The following FAM20C variants were observed in gnomAD, a reference collection of about 807,000 sequenced individuals.
The protein encoded by FAM20C is extracellular serine/threonine protein kinase FAM20C.
A neutral mutation model predicts 51.5 loss-of-function variants in FAM20C; 40 were observed. That is an observed-to-expected ratio of 0.78 (90% CI 0.60 to 1.01). The LOEUF (loss-of-function observed/expected upper bound fraction) is 1.01. FAM20C is among the 50% of genes least tolerant of loss of function. FAM20C has a pLI of 0.00. For missense variants in FAM20C, 861 were observed against 844.7 expected, an observed-to-expected ratio of 1.02 and a Z score of -0.24; for synonymous variants, 406 against 380.6, an observed-to-expected ratio of 1.07 and a Z score of -0.78.
chr7:259,420 C>G (rs374182013), intron 9 of FAM20C, among the ~76,000 whole-genome samples: 4 of 80,448 alleles, frequency 5.0e-5, no homozygotes, highest in African/African-American at 2.4e-4. Flanking sequence ...CTCGCGGTCT[C>G]TCTCGTCTCT....
intron 5 of FAM20C, among the ~76,000 whole-genome samples, chr7:251,979 C>G: frequency 6.6e-6 from 1 of 152,228 alleles, no homozygotes; most frequent in African/African-American, 2.4e-5. Context: ...AGCCGCGCTG[C>G]CCTGTCAGTC....
At chr7:211,853 G>A (rs561225489) in intron 3 of FAM20C, among the ~76,000 whole-genome samples, 3 of 152,326 alleles carry the variant, frequency 2.0e-5, no homozygotes, top group Admixed American at 6.5e-5. Flanking sequence ...CGTGGCGGGC[G>A]GAGGCAGGGA....
rs896987041 is a variant in FAM20C at position 251,271 on chromosome 7, C to T, written c.1072+2841C>T. 2.3e-5 allele frequency among the ~76,000 whole-genome samples: 3 copies of T among 130,302 alleles called. 1 individual carries two copies. The highest frequency in any genetic ancestry group is 5.3e-5 in the Non-Finnish European group (3 of 56,812). The allele number at this position is 130,302 out of a possible 152,430, so 85.5% of individuals were successfully genotyped here. ...GAGTGGCCGGGCACGGTGGCTCACA[C>T]GCCTGCAATCCCAGTACTGGGAGGA... is the stretch of plus-strand genomic sequence containing the variant. On this transcript the variant is annotated intron_variant, in intron 5 of 9. Transcript: ENST00000313766.
In FAM20C at chr7:250,768, C is replaced by T. The variant is rs569477530; in HGVS notation, c.1072+2338C>T. 1.4e-3 allele frequency among the ~76,000 whole-genome samples: 208 copies of T among 152,368 alleles called. 2 individuals carry two copies. The highest frequency in any genetic ancestry group is 6.8e-3 in the South Asian group (33 of 4,830). On this transcript the variant is annotated intron_variant, in intron 5 of 9. Transcript: ENST00000313766. ...CCTGGTGCCCACGGAGGCTGGGCTC[C>T]GCTCCAGTGATGCCTGGATGCCCGA...
intron 3 of FAM20C, among the ~76,000 whole-genome samples, chr7:220,367 T>A (rs938803699): frequency 1.3e-5 from 2 of 152,238 alleles, no homozygotes; most frequent in African/African-American, 4.8e-5. Flanking sequence ...CTGGGGATGC[T>A]GCTCACGCAG....
intron 3 of FAM20C, among the ~76,000 whole-genome samples, chr7:212,093 A>G (rs1786746917): frequency 6.6e-6 from 1 of 152,228 alleles, no homozygotes; most frequent in African/African-American, 2.4e-5. Flanking sequence ...CTTCTTCCGC[A>G]GAGGCTGTGG....
In FAM20C at chr7:193,581, G is replaced by T; in HGVS notation, c.382G>T (p.Ala128Ser). The T allele has an allele frequency of 1.3e-6, 2 of 1,497,318 alleles. No individual in the cohort carries two copies. Among genetic ancestry groups the T allele is most frequent in the Non-Finnish European group, 1.8e-6 (2 of 1,122,336 alleles). The allele number at this position is 1,497,318 out of a possible 1,614,324, so 92.8% of individuals were successfully genotyped here. A position where few individuals can be genotyped will look rare whatever the true frequency, so the allele number is the denominator to read the frequency against. The change falls in exon 1 of 10, where the codon GCC becomes TCC. Residue 128 changes from alanine to serine, a missense_variant. This residue lies in a region of FAM20C where 561 missense variants were observed against 499.8 expected (regional missense o/e 1.12). Transcript: ENST00000313766. ...CGCCTTGCGGGGGCGGGATCCCGGC[G>T]CCCTAAGACCCCACGACCCCGCGCA... ...ERALRGRDPGALRPHDPAHRP... is the reference protein window; with the variant it reads ...ERALRGRDPGSLRPHDPAHRP...
At chr7:256,192 GTGGCAGAGGGCGTCCTTACTCCAGTA>G in intron 6 of FAM20C, 163 bp downstream of exon 6, 1 of 884,122 alleles carries the variant, frequency 1.1e-6, no homozygotes, top group African/African-American at 1.7e-5. Flanking sequence ...TGATGAGACG[GTGGCAGAGGGCGTCCTTACTCCAGTA>G]TTTCCATGTG....
intron 5 of FAM20C, among the ~76,000 whole-genome samples, chr7:250,075 CA>C (rs1338887459): frequency 6.6e-6 from 1 of 152,196 alleles, no homozygotes; most frequent in Non-Finnish European, 1.5e-5. Flanking sequence ...TCTCCTGGCC[CA>C]TCTGTTTAAT....
intron 8 of FAM20C, among the ~76,000 whole-genome samples, chr7:258,306 G>A (rs879181497): frequency 0.021 from 788 of 37,064 alleles, 41 homozygotes; most frequent in Middle Eastern, 0.028. Context: ...GGAGATGGGT[G>A]GGATGGACCC....
intron 8 of FAM20C, 31 bp from the exon 9 acceptor site, chr7:258,615 G>A: frequency 1.3e-6 from 2 of 1,535,964 alleles, no homozygotes; most frequent in Non-Finnish European, 1.7e-6. Flanking sequence ...TTGTACAGGG[G>A]CCCTTGACAA....
chr7:216,662 TGAGAGACA>T (rs1786988036), intron 3 of FAM20C, among the ~76,000 whole-genome samples: 2 of 136,688 alleles, frequency 1.5e-5, no homozygotes, highest in Non-Finnish European at 3.2e-5. Context: ...AGTGTGTGTG[TGAGAGACA>T]GAGTGTGTGT....
intron 3 of FAM20C, among the ~76,000 whole-genome samples, chr7:231,251 G>A (rs1404390271): frequency 1.3e-5 from 2 of 152,188 alleles, no homozygotes; most frequent in East Asian, 3.8e-4. Flanking sequence ...GGAGGGCAGA[G>A]CAGGAGCAGC....
intron 9 of FAM20C, among the ~76,000 whole-genome samples, 194 bp downstream of exon 9, chr7:258,899 A>C (rs1258621918): frequency 6.6e-6 from 1 of 150,656 alleles, no homozygotes; most frequent in East Asian, 2.0e-4. Flanking sequence ...CCCGCCCACC[A>C]CCCCAGGCCC....
Position 193,320 on chromosome 7 carries a change from T to G in FAM20C, c.121T>G (p.Ser41Ala), listed in dbSNP as rs1201126242. Residue 41 changes from serine (S) to alanine (A), a missense_variant, in exon 1 of 10, where the codon TCG becomes GCG. By Grantham distance (99) the Ser-to-Ala change is moderately conservative. Transcript: ENST00000313766. ...PRLERRGARP[S>A]GEPGCSCAQP... The stretch of plus-strand genomic sequence containing the variant: ...GCTGGAGCGACGCGGCGCGCGGCCC[T>G]CGGGGGAGCCCGGCTGTTCGTGCGC... 1 of 1,389,378 alleles carries G rather than the reference T, an allele frequency of 7.2e-7. No individual in the cohort carries two copies. The highest frequency in any genetic ancestry group is 2.6e-5 in the Admixed American group (1 of 38,984). 86.1% of individuals were successfully genotyped at this position (1,389,378 alleles called of 1,614,324 possible).
At chr7:254,239 G>A (rs1788509567) in intron 5 of FAM20C, among the ~76,000 whole-genome samples, 1 of 152,180 alleles carries the variant, frequency 6.6e-6, no homozygotes, top group South Asian at 2.1e-4. Flanking sequence ...CCACCCTCCT[G>A]TTCACTCCGC....
At position 193,790 on chromosome 7, in the gene FAM20C, G is replaced by A. The variant is rs1450186937; in HGVS notation, c.591G>A (p.Ala197=). Residue 197 remains alanine, a synonymous_variant, in exon 1 of 10, where the codon GCG becomes GCA. Coordinates refer to ENST00000313766, the MANE Select transcript of FAM20C (RefSeq NM_020223.4). Reference sequence around the variant, plus strand: ...ACACCAGGCTCAGCCCCAAAGCGGCGGAGAACCCGGACTGGTGAGTGGGGG... The same window carrying A: ...ACACCAGGCTCAGCCCCAAAGCGGCAGAGAACCCGGACTGGTGAGTGGGGG... ...NSDTRLSPKA[A]ENPDWPHAGA... 1 of 1,555,184 alleles carries A rather than the reference G, an allele frequency of 6.4e-7. No individual in the cohort carries two copies. The highest frequency in any genetic ancestry group is 8.7e-7 in the Non-Finnish European group (1 of 1,149,846).
chr7:195,645 A>G lies in FAM20C; in HGVS notation c.697A>G (p.Ile233Val), dbSNP rs1014953797. The change falls in exon 2 of 10, where the codon ATC becomes GTC. Residue 233 changes from isoleucine (I) to valine (V), a missense_variant. Around this residue, in one of 3 missense-constraint regions of FAM20C, gnomAD observed 561 missense variants for 499.8 expected, o/e 1.12. Transcript: ENST00000313766. ...CAACTGGCTCAAGTTCCACATTGGT[A>G]TCAACCGGTACGAGCTGTACTCCAG... is the stretch of plus-strand genomic sequence containing the variant. The part of the protein sequence containing the change: ...YPNWLKFHIG[I>V]NRYELYSRHN... 2.5e-6 allele frequency: 4 copies of G among 1,611,310 alleles called. No individual in the cohort carries two copies. The highest frequency in any genetic ancestry group is 3.4e-6 in the Non-Finnish European group (4 of 1,178,948).
At chr7:205,253 C>T (rs1348916349) in intron 2 of FAM20C, among the ~76,000 whole-genome samples, 1 of 149,978 alleles carries the variant, frequency 6.7e-6, no homozygotes, top group Non-Finnish European at 1.5e-5. Flanking sequence ...CAGACACGCA[C>T]CACCACGACG....
Sources: gnomAD v4.1 joint callset for allele counts (sites outside exome capture counted in the v4.1 genomes callset) on GRCh38, gnomAD v4.1.1 for gene constraint, gnomAD v4.1.1 regional missense constraint, MANE v1.5 for transcripts, NCBI Gene and HGNC (gene_info 2026-07-23, HGNC 2026-07-21) for gene names.